Variants in JAKMIP1 observed in about 807,000 individuals in gnomAD.
JAKMIP1 encodes janus kinase and microtubule interacting protein 1.
JAKMIP1 carries 33 observed loss-of-function variants against 113.0 expected under a neutral mutation model. The ratio of observed to expected loss-of-function variants is 0.29; its 90% confidence interval spans 0.22 to 0.39. The LOEUF (loss-of-function observed/expected upper bound fraction) is 0.39. JAKMIP1 is among the 10% of genes least tolerant of loss of function. The pLI is 1.00. For missense variants in JAKMIP1, 813 were observed against 1,080.5 expected (o/e 0.75, Z 3.47); for synonymous variants, 480 against 459.9 (o/e 1.04, Z -0.56).
rs565806356 is a variant in JAKMIP1, at chr4:6,166,739, G to T, written c.-148+33514C>A. On this transcript the variant is annotated intron_variant, in intron 1 of 20. Coordinates refer to ENST00000409021, the MANE Select transcript of JAKMIP1 (RefSeq NM_001099433.2). ...TACAGATGGGAAAACGACAGGTGAG[G>T]TCTGTGGCAGCTGCAGGGGTGCTGC... Among the ~76,000 whole-genome samples the T allele has an allele frequency of 1.3e-5, 2 of 152,354 alleles. 1 individual carries two copies. Among genetic ancestry groups the T allele is most frequent in the East Asian group, 3.9e-4 (2 of 5,178 alleles).
rs531244023 is a variant in JAKMIP1 at position 6,137,849 on chromosome 4, G to A, written c.-147-24852C>T. Among the ~76,000 whole-genome samples, 97 of 152,356 alleles carry A rather than the reference G, an allele frequency of 6.4e-4. No homozygotes were observed. Among genetic ancestry groups the A allele is most frequent in the African/African-American group, 2.2e-3 (91 of 41,586 alleles). On this transcript the variant is annotated intron_variant, in intron 1 of 20. Transcript: ENST00000409021. This position sits in a 1 kb window ranked among gnomAD's most constrained non-coding sequence, Gnocchi z 4.5. The stretch of plus-strand genomic sequence containing the variant: ...CTGGCATGGGCCTGGCAGACAAGGT[G>A]TGCTCTGGCGTTGGGGGTCCAACCA...
chr4:6,074,944 T>A (rs749939930), intron 8 of JAKMIP1, among the ~76,000 whole-genome samples: 1 of 152,216 alleles, frequency 6.6e-6, no homozygotes, highest in African/African-American at 2.4e-5. Flanking sequence ...GGCTAGACCA[T>A]CTGGGTTTGT....
In JAKMIP1 at chr4:6,142,435, C is replaced by A. The variant is rs955601104; in HGVS notation, c.-147-29438G>T. Reference sequence around the variant, plus strand: ...AAACGACTGGTTTTTGCACCTCCAGCCAAAGTCTTACATGAACTTGTCACA... The same window carrying A: ...AAACGACTGGTTTTTGCACCTCCAGACAAAGTCTTACATGAACTTGTCACA... On this transcript the variant is annotated intron_variant, in intron 1 of 20. Transcript: ENST00000409021. This position sits in a 1 kb window ranked among gnomAD's most constrained non-coding sequence, Gnocchi z 5.5. Among the ~76,000 whole-genome samples, 1 of 152,196 alleles carries A rather than the reference C, an allele frequency of 6.6e-6. No individual in the cohort carries two copies. Among genetic ancestry groups the A allele is most frequent in the Admixed American group, 6.5e-5 (1 of 15,282 alleles).
intron 1 of JAKMIP1, among the ~76,000 whole-genome samples, chr4:6,166,825 C>T (rs1723697079): frequency 6.6e-6 from 1 of 152,166 alleles, no homozygotes; most frequent in Admixed American, 6.5e-5. Context: ...AGGCTCACCT[C>T]ACCAGCTCTG....
chr4:6,149,512 G>A (rs1480325771), intron 1 of JAKMIP1, among the ~76,000 whole-genome samples: 2 of 152,134 alleles, frequency 1.3e-5, no homozygotes, highest in Non-Finnish European at 2.9e-5. Context: ...CTGAATTTGG[G>A]ACCTGAAACC....
intron 8 of JAKMIP1, among the ~76,000 whole-genome samples, chr4:6,073,114 G>T (rs1719218394): frequency 6.6e-6 from 1 of 151,346 alleles, no homozygotes. Context: ...GAGCTTCCTA[G>T]GCAGGCAAAG....
chr4:6,123,681 T>C (rs1717009444), intron 1 of JAKMIP1, among the ~76,000 whole-genome samples: 1 of 151,916 alleles, frequency 6.6e-6, no homozygotes, highest in African/African-American at 2.4e-5. Context: ...GTTAGCTGGA[T>C]GTGGTGGTGC....
chr4:6,166,977 G>A (rs761899144), intron 1 of JAKMIP1, among the ~76,000 whole-genome samples: 11 of 151,730 alleles, frequency 7.2e-5, no homozygotes, highest in Non-Finnish European at 1.5e-4. Context: ...GCCTCTGATC[G>A]TCATTCAGAA....
intron 12 of JAKMIP1, among the ~76,000 whole-genome samples, chr4:6,055,951 C>T (rs1480810285): frequency 6.7e-6 from 1 of 149,948 alleles, no homozygotes; most frequent in African/African-American, 2.5e-5. Context: ...GGCAGCTCTC[C>T]CAATTTCTGC....
chr4:6,063,559 T>C (rs114605634), intron 9 of JAKMIP1, among the ~76,000 whole-genome samples: 6,213 of 152,164 alleles, frequency 0.041, 399 homozygotes, highest in African/African-American at 0.13. Context: ...GAGGATGGTG[T>C]GTCTCTCCCA....
At chr4:6,134,298 C>T (rs1318266682) in intron 1 of JAKMIP1, among the ~76,000 whole-genome samples, 6 of 152,158 alleles carry the variant, frequency 3.9e-5, no homozygotes, top group African/African-American at 1.2e-4. Flanking sequence ...GTCATTAAAC[C>T]GCTTTTCTTT....
At chr4:6,123,799 C>T (rs1388748981) in intron 1 of JAKMIP1, among the ~76,000 whole-genome samples, 4 of 152,186 alleles carry the variant, frequency 2.6e-5, no homozygotes, top group Admixed American at 2.0e-4. Context: ...CCAGCCTGGG[C>T]GACAGAGCAG....
chr4:6,160,702 G>C (rs1357094480), intron 1 of JAKMIP1, among the ~76,000 whole-genome samples: 1 of 151,934 alleles, frequency 6.6e-6, no homozygotes, highest in African/African-American at 2.4e-5. Flanking sequence ...CAGCCTCCAC[G>C]CCTCCCTGCC....
chr4:6,135,698 C>T lies in JAKMIP1; in HGVS notation c.-147-22701G>A, dbSNP rs1719130781. Among the ~76,000 whole-genome samples, 1 of 152,202 alleles carries T rather than the reference C, an allele frequency of 6.6e-6. No individual in the cohort carries two copies. The highest frequency in any genetic ancestry group is 6.5e-5 in the Admixed American group (1 of 15,282). On this transcript the variant is annotated intron_variant, in intron 1 of 20. Transcript: ENST00000409021. The surrounding 1 kb of genome is among the most constrained non-coding windows in gnomAD (Gnocchi z 4.9). ...AGAAGTTGCTTCTTGCCCCATGTTA[C>T]CTATGACAAACCAGAGGCTCTGAGA...
rs1481953212 is a variant in JAKMIP1 at position 6,155,052 on chromosome 4, C to G, written c.-147-42055G>C. ...AGCTCATTCCCGAGCAGTGGGAAGACAGTCGGGAGATGCCAGCCCAGCCTG... is the reference window on the plus strand; with the variant it reads ...AGCTCATTCCCGAGCAGTGGGAAGAGAGTCGGGAGATGCCAGCCCAGCCTG... On this transcript the variant is annotated intron_variant, in intron 1 of 20. Transcript: ENST00000409021. The surrounding 1 kb of genome is among the most constrained non-coding windows in gnomAD (Gnocchi z 6.1). Among the ~76,000 whole-genome samples, 1 of 152,190 alleles carries G rather than the reference C, an allele frequency of 6.6e-6. No individual in the cohort carries two copies. Among genetic ancestry groups the G allele is most frequent in the Non-Finnish European group, 1.5e-5 (1 of 68,038 alleles).
rs369460083 is a variant in JAKMIP1 at position 6,097,728 on chromosome 4, G to T, written c.624+7745C>A. 6.6e-6 allele frequency among the ~76,000 whole-genome samples: 1 copy of T among 152,272 alleles called. No homozygotes were observed. Among genetic ancestry groups the T allele is most frequent in the South Asian group, 2.1e-4 (1 of 4,824 alleles). On this transcript the variant is annotated intron_variant, in intron 3 of 20. Transcript: ENST00000409021. The surrounding 1 kb of genome is among the most constrained non-coding windows in gnomAD (Gnocchi z 4.3). ...TGCAACAAAAAATGCAATAAGAAGCGTTCATTCTCATCATCATTTGACAAA... is the reference window on the plus strand; with the variant it reads ...TGCAACAAAAAATGCAATAAGAAGCTTTCATTCTCATCATCATTTGACAAA...
chr4:6,146,270 G>A (rs1369096074), intron 1 of JAKMIP1, among the ~76,000 whole-genome samples: 1 of 152,024 alleles, frequency 6.6e-6, no homozygotes, highest in Admixed American at 6.6e-5. Flanking sequence ...TTGTTTAACA[G>A]CATAGTTTCA....
chr4:6,123,359 G>A (rs1716969498), intron 1 of JAKMIP1, among the ~76,000 whole-genome samples: 1 of 152,192 alleles, frequency 6.6e-6, no homozygotes, highest in East Asian at 1.9e-4. Flanking sequence ...CCAGCCCCGG[G>A]GCCTAAGGGA....
At chr4:6,054,748 C>T (rs1560115648) in intron 12 of JAKMIP1, 1 of 456,756 alleles carries the variant, frequency 2.2e-6, no homozygotes, top group East Asian at 6.9e-5. Flanking sequence ...CAGCCCTCAC[C>T]TTCTGTCCAA....
Sources: gnomAD v4.1 joint callset for allele counts (sites outside exome capture counted in the v4.1 genomes callset) on GRCh38, gnomAD v4.1.1 for gene constraint, Gnocchi (gnomAD v3.1) non-coding constraint, MANE v1.5 for transcripts, NCBI Gene and HGNC (gene_info 2026-07-23, HGNC 2026-07-21) for gene names.